PCDHA7: variants seen among roughly 807,000 people sequenced by gnomAD.
The protein encoded by PCDHA7 is protocadherin alpha 7.
A neutral mutation model predicts 57.2 loss-of-function variants in PCDHA7; 37 were observed. The ratio of observed to expected loss-of-function variants is 0.65; its 90% CI spans 0.50 to 0.85. The LOEUF (loss-of-function observed/expected upper bound fraction) is 0.85. PCDHA7 is among the 40% of genes least tolerant of loss of function. The probability of loss-of-function intolerance (pLI) is 0.00; values close to 1 mark genes in which losing one functional copy is unlikely to be tolerated. For missense variants in PCDHA7, 1,188 were observed against 1,241.8 expected, an observed-to-expected ratio of 0.96 and a Z score of 0.65; for synonymous variants, 553 against 558.8, an observed-to-expected ratio of 0.99 and a Z score of 0.15.
intron 1 of PCDHA7, among the ~76,000 whole-genome samples, chr5:140,897,659 G>A: frequency 6.6e-6 from 1 of 152,230 alleles, no homozygotes; most frequent in South Asian, 2.1e-4. Flanking sequence ...ACGTGTGCAT[G>A]TGTCTTTATA....
intron 1 of PCDHA7, chr5:140,883,561 C>T: frequency 1.2e-6 from 2 of 1,614,156 alleles, no homozygotes; most frequent in Non-Finnish European, 1.7e-6. Flanking sequence ...GGGACGGGGG[C>T]TCGCCTTCGC....
At chr5:140,957,107 G>A in intron 1 of PCDHA7, among the ~76,000 whole-genome samples, 1 of 152,092 alleles carries the variant, frequency 6.6e-6, no homozygotes, top group East Asian at 1.9e-4. Context: ...CTATGGACAT[G>A]ATTCTGTGTG....
intron 1 of PCDHA7, among the ~76,000 whole-genome samples, chr5:140,888,767 T>G (rs927723567): frequency 6.6e-6 from 1 of 152,048 alleles, no homozygotes; most frequent in Non-Finnish European, 1.5e-5. Flanking sequence ...TTTTTTTTAA[T>G]TTTGAAGGGA....
Position 140,895,072 on chromosome 5 carries a change from A to C in PCDHA7, c.2355+58334A>C, listed in dbSNP as rs974661383. On this transcript the variant is annotated intron_variant, in intron 1 of 3. Coordinates refer to ENST00000525929, the MANE Select transcript of PCDHA7 (RefSeq NM_018910.3). ...TCTGCTTCATATGGACTCAATTCCT[A>C]TCAGTTCCTCCTCAGTATAGGGGTT... 2.6e-5 allele frequency among the ~76,000 whole-genome samples: 4 copies of C among 152,208 alleles called. No homozygotes were observed. In the South Asian group the frequency reaches 6.2e-4, roughly 24 times the overall value.
At chr5:140,987,211 C>T (rs1190567678) in intron 3 of PCDHA7, among the ~76,000 whole-genome samples, 2 of 145,072 alleles carry the variant, frequency 1.4e-5, no homozygotes, top group Non-Finnish European at 3.0e-5. Flanking sequence ...GAGACTCCAT[C>T]TCAAAAAAAA....
At chr5:140,863,034 A>G (rs782534693) in intron 1 of PCDHA7, 1 of 557,696 alleles carries the variant, frequency 1.8e-6, no homozygotes, top group African/African-American at 1.9e-5. Context: ...CAACAGCTGC[A>G]TCTGTCAGCT....
intron 3 of PCDHA7, among the ~76,000 whole-genome samples, chr5:140,988,281 A>G (rs2097291171): frequency 2.0e-5 from 3 of 152,202 alleles, no homozygotes; most frequent in Admixed American, 2.0e-4. Context: ...GTCACCTGCC[A>G]TCTGACAGCC....
At chr5:140,885,434 T>C (rs1554182149) in intron 1 of PCDHA7, among the ~76,000 whole-genome samples, 1 of 152,158 alleles carries the variant, frequency 6.6e-6, no homozygotes, top group African/African-American at 2.4e-5. Context: ...AGTGTAAGTG[T>C]GCAATTATAT....
chr5:140,857,651 AGC>A (rs2044749625), intron 1 of PCDHA7: 2 of 1,596,558 alleles, frequency 1.3e-6, no homozygotes, highest in Middle Eastern at 2.0e-4. Flanking sequence ...GTTCCAGGTG[AGC>A]GCGCGCGATG....
At chr5:140,960,488 GT>G (rs1373763536) in intron 1 of PCDHA7, among the ~76,000 whole-genome samples, 4 of 152,150 alleles carry the variant, frequency 2.6e-5, no homozygotes, top group African/African-American at 9.7e-5. Flanking sequence ...AGAGGTGTAG[GT>G]TTGTTTGTTC....
chr5:140,964,894 T>C (rs754817292), intron 1 of PCDHA7, among the ~76,000 whole-genome samples: 8 of 152,210 alleles, frequency 5.3e-5, no homozygotes, highest in Non-Finnish European at 1.2e-4. Flanking sequence ...GATAGGAGGC[T>C]GGGCGCTTCT....
Position 140,841,637 on chromosome 5 carries a change from C to G in PCDHA7, c.2355+4899C>G, listed in dbSNP as rs2150319876. The G allele has an allele frequency of 4.3e-6, 7 of 1,614,008 alleles. No individual in the cohort carries two copies. Among genetic ancestry groups the G allele is most frequent in the Admixed American group, 3.3e-5 (2 of 59,990 alleles). ...GCGGAGCGCGGAGTGCAGCATCCAC[C>G]TGGAGGTGATCGTGGACAGGCCGCT... On this transcript the variant is annotated intron_variant, in intron 1 of 3. Coordinates refer to ENST00000525929, the MANE Select transcript of PCDHA7 (RefSeq NM_018910.3).
Position 141,012,063 on chromosome 5 carries a change from T to C in PCDHA7, c.*2126T>C, listed in dbSNP as rs948658172. ...TGGGGTAAAACTTGTTACCAACACATGTGAACCATTGCTACATTGTAGGTT... is the reference window on the plus strand; with the variant it reads ...TGGGGTAAAACTTGTTACCAACACACGTGAACCATTGCTACATTGTAGGTT... On this transcript the variant is annotated 3_prime_UTR_variant, in exon 4 of 4. Transcript: ENST00000525929. The C allele has an allele frequency of 1.3e-5, 2 of 153,778 alleles. No individual in the cohort carries two copies. The highest frequency in any genetic ancestry group is 3.8e-4 in the East Asian group (2 of 5,196). The allele number at this position is 153,778 out of a possible 1,614,324, so 9.5% of individuals were successfully genotyped here. A position where few individuals can be genotyped will look rare whatever the true frequency, so the allele number is the denominator to read the frequency against.
In PCDHA7 at chr5:140,857,157, T is replaced by C. The variant is rs1371246447; in HGVS notation, c.2355+20419T>C. The C allele has an allele frequency of 5.6e-6, 9 of 1,598,272 alleles. 1 individual carries two copies. The Middle Eastern group carries it at 5.0e-4, about 88-fold the overall frequency. On this transcript the variant is annotated intron_variant, in intron 1 of 3. Transcript: ENST00000525929. ...GCTCAAGTGGGCACCGTCATTGCCC[T>C]AATCAGCGTTTCTGACCATGATTCA... is the stretch of plus-strand genomic sequence containing the variant.
chr5:140,885,509 T>C (rs1020233501), intron 1 of PCDHA7, among the ~76,000 whole-genome samples: 36 of 152,208 alleles, frequency 2.4e-4, no homozygotes, highest in Admixed American at 1.4e-3. Flanking sequence ...TGAACCATGC[T>C]GTGCTATCAT....
intron 1 of PCDHA7, among the ~76,000 whole-genome samples, chr5:140,978,620 G>A (rs2096812690): frequency 6.6e-6 from 1 of 152,220 alleles, no homozygotes; most frequent in South Asian, 2.1e-4. Context: ...AGCAGTGAAA[G>A]CTTTTCCTTT....
chr5:140,909,895 C>A (rs1296442880), intron 1 of PCDHA7, among the ~76,000 whole-genome samples: 1 of 152,152 alleles, frequency 6.6e-6, no homozygotes, highest in Non-Finnish European at 1.5e-5. Context: ...GTTCAGTAGT[C>A]CCTGAAATGG....
chr5:140,926,703 C>G (rs2083476417), intron 1 of PCDHA7: 2 of 835,304 alleles, frequency 2.4e-6, no homozygotes, highest in Admixed American at 7.4e-5. Context: ...CGGCTCCCAG[C>G]TGGCCAGCCC....
intron 1 of PCDHA7, among the ~76,000 whole-genome samples, chr5:140,972,686 AT>A (rs2096549556): frequency 8.3e-6 from 1 of 120,944 alleles, no homozygotes; most frequent in African/African-American, 3.2e-5. Context: ...TTTTTTTGAG[AT>A]GGAGTCTCAC....
Sources: allele counts gnomAD v4.1 joint callset (sites outside exome capture counted in the v4.1 genomes callset), GRCh38; gene constraint gnomAD v4.1.1; transcripts MANE v1.5; gene names NCBI Gene and HGNC (gene_info 2026-07-23, HGNC 2026-07-21).